Variants in POTEI observed in about 807,000 individuals in gnomAD.
The protein encoded by POTEI is POTE ankyrin domain family member I, also known as POTE ankyrin domain family, member I.
In POTEI, 14 loss-of-function variants were observed where a neutral mutation model predicts 43.4. The observed-to-expected ratio is 0.32, with a 90% CI of 0.21 to 0.50. The LOEUF (loss-of-function observed/expected upper bound fraction) is 0.50. POTEI is among the 20% of genes least tolerant of loss of function. The pLI is 0.98. For missense variants in POTEI, 235 were observed against 795.4 expected (o/e 0.30, Z 8.47); for synonymous variants, 95 against 297.9 (o/e 0.32, Z 7.01).
chr2:130,475,740 C>CAGA (rs1683175376), intron 11 of POTEI, among the ~76,000 whole-genome samples: 1 of 24,796 alleles, frequency 4.0e-5, no homozygotes, highest in Non-Finnish European at 9.8e-5. Context: ...CCTCCCTGAA[C>CAGA]AGAAACACTG....
intron 10 of POTEI, among the ~76,000 whole-genome samples, chr2:130,477,086 T>C (rs1490819069): frequency 6.6e-6 from 1 of 150,814 alleles, no homozygotes; most frequent in East Asian, 1.9e-4. Context: ...TTTATTAGTG[T>C]ACAACGTCTT....
chr2:130,493,044 A>G (rs2105108470), intron 6 of POTEI, among the ~76,000 whole-genome samples: 1 of 128,666 alleles, frequency 7.8e-6, no homozygotes, highest in South Asian at 3.3e-4. Context: ...AAGAACACAA[A>G]AATGCCCTGC....
rs779850749 is a variant in POTEI at position 130,463,660 on chromosome 2, C to A, written c.2384G>T (p.Arg795Leu). ...GATGGGGTGCTCCTCAGGGGCCACACGCAGCTCGTTGTAGAAGGTGTGGTG... is the reference window on the plus strand; with the variant it reads ...GATGGGGTGCTCCTCAGGGGCCACAAGCAGCTCGTTGTAGAAGGTGTGGTG... Reference protein sequence around the residue: ...IWHHTFYNELRVAPEEHPILL... With the variant: ...IWHHTFYNELLVAPEEHPILL... Residue 795 changes from arginine (R) to leucine (L), a missense_variant, in exon 15 of 15, where the codon CGT becomes CTT. Coordinates refer to ENST00000451531, the MANE Select transcript of POTEI (RefSeq NM_001277406.2). 4.4e-6 allele frequency: 7 copies of A among 1,607,444 alleles called. No homozygotes were observed. The highest frequency in any genetic ancestry group is 5.9e-6 in the Non-Finnish European group (7 of 1,179,502).
chr2:130,479,723 C>A (rs534977723), intron 10 of POTEI, among the ~76,000 whole-genome samples: 60 of 46,098 alleles, frequency 1.3e-3, no homozygotes, highest in Non-Finnish European at 2.0e-3. Flanking sequence ...TACACCATAA[C>A]CAGAACGCCT....
At chr2:130,468,305 G>A (rs1169386490) in intron 13 of POTEI, among the ~76,000 whole-genome samples, 1 of 149,236 alleles carries the variant, frequency 6.7e-6, no homozygotes, top group Admixed American at 6.7e-5. Context: ...ATATGTATGT[G>A]TGTATATACA....
chr2:130,480,290 C>T (rs1324463781), intron 10 of POTEI, among the ~76,000 whole-genome samples: 1 of 126,924 alleles, frequency 7.9e-6, no homozygotes, highest in African/African-American at 2.9e-5. Flanking sequence ...CCATGGCCCA[C>T]AGGATAAGAG....
intron 13 of POTEI, among the ~76,000 whole-genome samples, chr2:130,467,732 C>G (rs1682884115): frequency 6.6e-6 from 1 of 152,166 alleles, no homozygotes; most frequent in Middle Eastern, 3.4e-3. Context: ...CGACTAATAT[C>G]TATAACCTAC....
intron 11 of POTEI, 72 bp from the exon 12 acceptor site, chr2:130,475,023 T>A (rs1316252395): frequency 5.0e-5 from 16 of 323,196 alleles, no homozygotes; most frequent in Non-Finnish European, 8.8e-5. Flanking sequence ...GGAGTGCATG[T>A]TTTTAAAATA....
rs1684272861 is a variant in POTEI at position 130,509,204 on chromosome 2, G to A, written c.32C>T (p.Ala11Val). The stretch of plus-strand genomic sequence containing the variant: ...AACAAATGGCTTCTTCACAGAAGAG[G>A]CAGCCGGCATTGAATCAACCTCAGC... The part of the protein sequence containing the change: MVAEVDSMPA[A>V]SSVKKPFVLR... Residue 11 changes from alanine (A) to valine (V), a missense_variant, in exon 1 of 15, where the codon GCC (alanine) becomes GTC (valine). Ala to Val is a moderately conservative substitution (Grantham distance 64). Coordinates refer to ENST00000451531, the MANE Select transcript of POTEI (RefSeq NM_001277406.2). The A allele has an allele frequency of 1.4e-6, 2 of 1,473,012 alleles. No homozygotes were observed. Among genetic ancestry groups the A allele is most frequent in the Non-Finnish European group, 9.1e-7 (1 of 1,095,678 alleles). 91.2% of individuals were successfully genotyped at this position (1,473,012 alleles called of 1,614,324 possible). A position where few individuals can be genotyped will look rare whatever the true frequency, so the allele number is the denominator to read the frequency against.
intron 5 of POTEI, among the ~76,000 whole-genome samples, 192 bp from the exon 6 acceptor site, chr2:130,496,814 A>G (rs541572022): frequency 8.9e-4 from 104 of 116,494 alleles, no homozygotes; most frequent in African/African-American, 2.9e-3. Context: ...AAAAAATGTA[A>G]GGTGAAATAC....
chr2:130,507,343 T>C (rs1485096641), intron 1 of POTEI, among the ~76,000 whole-genome samples: 1 of 100,712 alleles, frequency 9.9e-6, no homozygotes, highest in Non-Finnish European at 2.1e-5. Context: ...CACACATATA[T>C]ATGTATATAT....
At chr2:130,468,950 A>T (rs1236821074) in intron 13 of POTEI, among the ~76,000 whole-genome samples, 1 of 151,894 alleles carries the variant, frequency 6.6e-6, no homozygotes, top group East Asian at 1.9e-4. Flanking sequence ...AGTGAACAAG[A>T]AAAGGAATTT....
rs1296343148 is a variant in POTEI, at chr2:130,491,680, G to A, written c.1127-940C>T. ...TTTCTTTTTTTTTTTTTGAGCCAGG[G>A]TCTTGCTCTGTCACCAGGCTGGAGT... On this transcript the variant is annotated intron_variant, in intron 6 of 14. Transcript: ENST00000451531. Among the ~76,000 whole-genome samples, 6 of 62,020 alleles carry A rather than the reference G, an allele frequency of 9.7e-5. No homozygotes were observed. In the South Asian group the frequency reaches 5.6e-3, roughly 58 times the overall value. The allele number at this position is 62,020 out of a possible 152,430, so 40.7% of individuals were successfully genotyped here. A position where few individuals can be genotyped will look rare whatever the true frequency, so the allele number is the denominator to read the frequency against.
rs1450492763 is a variant in POTEI at position 130,505,082 on chromosome 2, G to A, written c.522-1188C>T. ...TCCCTCTTCCCACCCTCCACCCTCT[G>A]ATAGGCCCCAGTGTGTGTTCCTTCC... On this transcript the variant is annotated intron_variant, in intron 1 of 14. Transcript: ENST00000451531. Among the ~76,000 whole-genome samples, 186 of 149,814 alleles carry A rather than the reference G, an allele frequency of 1.2e-3. 6 individuals carry two copies. Among genetic ancestry groups the A allele is most frequent in the Non-Finnish European group, 1.8e-3 (121 of 67,306 alleles).
chr2:130,497,924 T>C (rs1298574876), intron 5 of POTEI: 3 of 101,276 alleles, frequency 3.0e-5, no homozygotes, highest in Admixed American at 2.3e-4. Flanking sequence ...ACTAACCTAC[T>C]TGAGATTCTG....
At chr2:130,492,843 G>A (rs1683793638) in intron 6 of POTEI, among the ~76,000 whole-genome samples, 1 of 146,738 alleles carries the variant, frequency 6.8e-6, no homozygotes, top group Non-Finnish European at 1.5e-5. Flanking sequence ...ATTCAGAGCT[G>A]TGACAATAAA....
rs1328322468 is a variant in POTEI, at chr2:130,508,852, G to A, written c.384C>T (p.Phe128=). Residue 128 remains phenylalanine, a synonymous_variant, in exon 1 of 15, where the codon TTC becomes TTT. Transcript: ENST00000451531. The stretch of plus-strand genomic sequence containing the variant: ...GACGGACGTGGTATCTCGGCTCCAC[G>A]AAGGCGCTGTCGTCGTAGTCTCCCC... ...GAWGDYDDSA[F]VEPRYHVRRE... 4 of 1,567,840 alleles carry A rather than the reference G, an allele frequency of 2.6e-6. No individual in the cohort carries two copies. The highest frequency in any genetic ancestry group is 3.6e-5 in the Admixed American group (2 of 55,362).
intron 9 of POTEI, among the ~76,000 whole-genome samples, chr2:130,482,896 T>C (rs1683443978): frequency 1.0e-5 from 1 of 99,904 alleles, no homozygotes; most frequent in Non-Finnish European, 2.0e-5. Context: ...GATGATGCTT[T>C]ATATACATGT....
intron 10 of POTEI, among the ~76,000 whole-genome samples, chr2:130,480,283 T>C (rs950787688): frequency 7.3e-5 from 9 of 123,186 alleles, no homozygotes; most frequent in Admixed American, 4.5e-4. Flanking sequence ...TCAATTCCCA[T>C]GGCCCACAGG....
Sources: allele counts gnomAD v4.1 joint callset (sites outside exome capture counted in the v4.1 genomes callset), GRCh38; gene constraint gnomAD v4.1.1; transcripts MANE v1.5; gene names NCBI Gene and HGNC (gene_info 2026-07-23, HGNC 2026-07-21).